The following TCF4 variants were observed in gnomAD, a reference collection of about 807,000 sequenced individuals.
TCF4 encodes SL3-3 enhancer factor 2.
Under a neutral mutation model 82.1 loss-of-function variants are expected in TCF4, and 3 were observed. That is an observed-to-expected ratio of 0.04 (90% CI 0.02 to 0.09). The LOEUF (loss-of-function observed/expected upper bound fraction) is 0.09, where lower values mean the gene tolerates loss of function less well. Among genes scored for constraint, TCF4 ranks in the 10% least tolerant of loss-of-function variants. The pLI, the probability that TCF4 is intolerant of heterozygous loss-of-function variation, is 1.00. For missense variants in TCF4, 518 were observed against 852.7 expected, an observed-to-expected ratio of 0.61 and a Z score of 4.89; for synonymous variants, 276 against 309.6, an observed-to-expected ratio of 0.89 and a Z score of 1.14.
At chr18:55,288,355 A>G (rs2064185719) in intron 8 of TCF4, among the ~76,000 whole-genome samples, 1 of 152,212 alleles carries the variant, frequency 6.6e-6, no homozygotes, top group South Asian at 2.1e-4. Flanking sequence ...TTTTGCTTAC[A>G]TACTAATCCT....
At chr18:55,488,390 G>A (rs926131955) in intron 3 of TCF4, among the ~76,000 whole-genome samples, 1 of 152,054 alleles carries the variant, frequency 6.6e-6, no homozygotes, top group Non-Finnish European at 1.5e-5. Context: ...GAGTGAAATT[G>A]GTTTTTTTAA....
rs1275093791 is a variant in TCF4, at chr18:55,222,578, A to C, written c.*5457T>G. The C allele has an allele frequency of 3.9e-5, 6 of 152,628 alleles. No homozygotes were observed. Among genetic ancestry groups the C allele is most frequent in the Non-Finnish European group, 8.8e-5 (6 of 68,036 alleles). The allele number at this position is 152,628 out of a possible 1,614,324, so 9.5% of individuals were successfully genotyped here. ...TTCCTTCAACTAGTCACTAAACCCA[A>C]TTAGAAAGAATACAAGAGCAATATT... On this transcript the variant is annotated 3_prime_UTR_variant, in exon 20 of 20. Transcript: ENST00000354452.
At chr18:55,427,714 A>C (rs2095044338) in intron 5 of TCF4, among the ~76,000 whole-genome samples, 1 of 152,232 alleles carries the variant, frequency 6.6e-6, no homozygotes, top group Admixed American at 6.5e-5. Flanking sequence ...CTACAATGAA[A>C]GTTTACAGAA....
chr18:55,391,954 T>A (rs1346370413), intron 6 of TCF4, among the ~76,000 whole-genome samples: 3 of 96,872 alleles, frequency 3.1e-5, no homozygotes, highest in African/African-American at 9.0e-5. Flanking sequence ...AAAAAAAAAA[T>A]CTTTTTTTTT....
At chr18:55,625,431 G>A (rs893519024) in intron 2 of TCF4, among the ~76,000 whole-genome samples, 2 of 152,002 alleles carry the variant, frequency 1.3e-5, no homozygotes, top group Non-Finnish European at 2.9e-5. Context: ...TAGAGACGGG[G>A]TTTCACCATA....
At chr18:55,424,152 T>C (rs1269646065) in intron 5 of TCF4, among the ~76,000 whole-genome samples, 1 of 152,192 alleles carries the variant, frequency 6.6e-6, no homozygotes, top group Non-Finnish European at 1.5e-5. Context: ...GGAAAAAAGA[T>C]GTGTGTCACT....
chr18:55,496,079 C>G (rs1442857818), intron 3 of TCF4: 1 of 152,128 alleles, frequency 6.6e-6, no homozygotes, highest in Non-Finnish European at 1.5e-5. Flanking sequence ...TACTGTGATA[C>G]ATAAAACCCA....
chr18:55,629,029 C>G (rs2148000888), intron 2 of TCF4, among the ~76,000 whole-genome samples: 1 of 152,248 alleles, frequency 6.6e-6, no homozygotes, highest in South Asian at 2.1e-4. Context: ...CATAAATGCA[C>G]AAAGTTCCCA....
At chr18:55,270,350 A>G (rs1351317657) in intron 10 of TCF4, among the ~76,000 whole-genome samples, 1 of 152,142 alleles carries the variant, frequency 6.6e-6, no homozygotes, top group Non-Finnish European at 1.5e-5. Context: ...AATGAATAAA[A>G]CAACATTATG....
intron 15 of TCF4, among the ~76,000 whole-genome samples, chr18:55,242,877 G>A (rs1399328250): frequency 6.6e-6 from 1 of 152,024 alleles, no homozygotes; most frequent in East Asian, 1.9e-4. Flanking sequence ...CAAAGTGCTG[G>A]GATTACAGGC....
intron 5 of TCF4, among the ~76,000 whole-genome samples, chr18:55,444,783 C>A (rs758526324): frequency 1.1e-4 from 17 of 152,164 alleles, no homozygotes; most frequent in Non-Finnish European, 2.2e-4. Flanking sequence ...ACAGACATGT[C>A]AAAAATTCAT....
chr18:55,246,434 T>C (rs1245889357), intron 15 of TCF4, among the ~76,000 whole-genome samples: 1 of 151,966 alleles, frequency 6.6e-6, no homozygotes, highest in Non-Finnish European at 1.5e-5. Context: ...CATCATAGAG[T>C]CTGAATTTGA....
intron 2 of TCF4, among the ~76,000 whole-genome samples, chr18:55,614,149 C>T (rs2147968794): frequency 6.6e-6 from 1 of 152,302 alleles, no homozygotes; most frequent in Admixed American, 6.5e-5. Flanking sequence ...CCCGCCTTAG[C>T]CTTCCAATGT....
intron 3 of TCF4, among the ~76,000 whole-genome samples, chr18:55,566,217 A>C (rs548921466): frequency 6.6e-6 from 1 of 152,078 alleles, no homozygotes; most frequent in Admixed American, 6.5e-5. Context: ...TGCCTCAAAA[A>C]CTAAAAAATA....
intron 15 of TCF4, among the ~76,000 whole-genome samples, chr18:55,251,321 G>GA (rs3838898): frequency 0.024 from 3,573 of 148,438 alleles, 51 homozygotes; most frequent in Middle Eastern, 0.056. Flanking sequence ...ATGCCGCTGT[G>GA]AAAAAAAAAA....
chr18:55,299,852 A>T (rs374530391), intron 8 of TCF4, among the ~76,000 whole-genome samples: 1 of 152,124 alleles, frequency 6.6e-6, no homozygotes, highest in East Asian at 1.9e-4. Flanking sequence ...ACCCCCTACC[A>T]TCACAAATTT....
At chr18:55,321,841 T>A (rs781451635) in intron 8 of TCF4, 11 of 1,487,220 alleles carry the variant, frequency 7.4e-6, no homozygotes, top group Non-Finnish European at 8.9e-6. Flanking sequence ...TTTTCCCATA[T>A]GGCCGGGCCA....
intron 10 of TCF4, among the ~76,000 whole-genome samples, chr18:55,271,708 G>C (rs1044868327): frequency 6.6e-6 from 1 of 151,908 alleles, no homozygotes; most frequent in Non-Finnish European, 1.5e-5. Context: ...ATTTCTACTT[G>C]CCACCTAATG....
intron 2 of TCF4, among the ~76,000 whole-genome samples, chr18:55,625,842 A>G (rs2097726077): frequency 6.6e-6 from 1 of 152,206 alleles, no homozygotes; most frequent in Non-Finnish European, 1.5e-5. Context: ...ATCCATCCAA[A>G]TACGATTTCT....
Sources: allele counts gnomAD v4.1 joint callset (sites outside exome capture counted in the v4.1 genomes callset), GRCh38; gene constraint gnomAD v4.1.1; transcripts MANE v1.5; gene names NCBI Gene and HGNC (gene_info 2026-07-23, HGNC 2026-07-21).